The following ZMYM2 variants were observed in gnomAD, a reference collection of about 807,000 sequenced individuals.
ZMYM2 encodes zinc finger MYM-type protein 2.
Under a neutral mutation model 162.8 loss-of-function variants are expected in ZMYM2, and 56 were observed. The observed-to-expected ratio is 0.34, with a 90% CI of 0.28 to 0.43. The LOEUF (loss-of-function observed/expected upper bound fraction) is 0.43, where lower values mean the gene tolerates loss of function less well. Among genes scored for constraint, ZMYM2 ranks in the 20% least tolerant of loss-of-function variants. ZMYM2 has a pLI of 1.00. For synonymous variants in ZMYM2, 510 were observed against 541.6 expected (o/e 0.94, Z 0.81); for missense variants, 1,275 against 1,621.8 (o/e 0.79, Z 3.67).
chr13:20,058,896 T>A (rs781319057), intron 15 of ZMYM2, 192 bp downstream of exon 15: 1 of 794,040 alleles, frequency 1.3e-6, no homozygotes, highest in South Asian at 1.4e-5. Context: ...TTATGATCAA[T>A]CTCTGATAAA....
chr13:19,921,612 A>G, the ZMYM2 span, among the ~76,000 whole-genome samples: 1 of 152,138 alleles, frequency 6.6e-6, no homozygotes, highest in Non-Finnish European at 1.5e-5. Context: ...AAAAATATGT[A>G]TACACTTATT....
chr13:20,006,187 G>C (rs1950727858), intron 5 of ZMYM2, among the ~76,000 whole-genome samples, 187 bp from the exon 6 acceptor site: 1 of 151,420 alleles, frequency 6.6e-6, no homozygotes, highest in African/African-American at 2.4e-5. Context: ...CAGCTTTGAT[G>C]GTGCCACTGT....
chr13:19,944,178 C>T, the ZMYM2 span, among the ~76,000 whole-genome samples: 4 of 152,098 alleles, frequency 2.6e-5, no homozygotes, highest in African/African-American at 9.7e-5. Context: ...ACAATTGCCA[C>T]AGAGACAGTT....
rs748541918 is a variant in ZMYM2, at chr13:20,083,806, A to T, written c.3941+30A>T. The T allele has an allele frequency of 5.0e-6, 8 of 1,585,562 alleles. No individual in the cohort carries two copies. The Admixed American group carries it at 1.5e-4, about 29-fold the overall frequency. On this transcript the variant is annotated intron_variant, in intron 24 of 24. Coordinates refer to ENST00000610343, the MANE Select transcript of ZMYM2 (RefSeq NM_197968.4). ...GTGTTAATGATACTTAACTTTTAAA[A>T]ATGTTGGTAGAAGTTGGCTGGTTTA... is the stretch of plus-strand genomic sequence containing the variant.
chr13:20,025,130 A>G (rs1268096311), intron 7 of ZMYM2: 1 of 208,932 alleles, frequency 4.8e-6, no homozygotes, highest in Non-Finnish European at 9.7e-6. Flanking sequence ...TATTCATTTC[A>G]GTTGTTATTT....
At chr13:20,068,911 A>C (rs1217575645) in intron 21 of ZMYM2, among the ~76,000 whole-genome samples, 10 of 152,216 alleles carry the variant, frequency 6.6e-5, no homozygotes, top group Non-Finnish European at 1.2e-4. Flanking sequence ...ATGGAATTTC[A>C]TTTAGAAATT....
chr13:20,026,572 T>A, intron 7 of ZMYM2, 40 bp from the exon 8 acceptor site: 1 of 1,547,846 alleles, frequency 6.5e-7, no homozygotes, highest in South Asian at 1.2e-5. Flanking sequence ...CTAGTTAAGT[T>A]GTAGTCTTAA....
intron 20 of ZMYM2, 41 bp from the exon 21 acceptor site, chr13:20,067,198 G>A (rs775325338): frequency 7.4e-6 from 11 of 1,485,382 alleles, no homozygotes; most frequent in South Asian, 4.0e-5. Flanking sequence ...TTAATAAGAC[G>A]CTAAATAATA....
At chr13:19,926,735 C>A in the ZMYM2 span, among the ~76,000 whole-genome samples, 8 of 151,922 alleles carry the variant, frequency 5.3e-5, no homozygotes, top group African/African-American at 1.9e-4. Flanking sequence ...TGGCGCAATC[C>A]CTGCTCACTG....
At chr13:19,918,503 T>G in the ZMYM2 span, among the ~76,000 whole-genome samples, 1 of 144,570 alleles carries the variant, frequency 6.9e-6, no homozygotes, top group African/African-American at 2.5e-5. Context: ...TTCTTTTTTT[T>G]TTTTTTTTTT....
chr13:20,030,206 T>G (rs1952963604), intron 9 of ZMYM2, among the ~76,000 whole-genome samples: 1 of 151,802 alleles, frequency 6.6e-6, no homozygotes, highest in African/African-American at 2.4e-5. Flanking sequence ...AATTTTTAAA[T>G]GTAACATAGG....
At chr13:19,877,229 CA>C in the ZMYM2 span, among the ~76,000 whole-genome samples, 1 of 117,146 alleles carries the variant, frequency 8.5e-6, no homozygotes, top group African/African-American at 3.1e-5. Flanking sequence ...AAAAAAAAAA[CA>C]AAGAAGTTTA....
At chr13:19,956,879 G>A (rs1239845443), upstream of ZMYM2, among the ~76,000 whole-genome samples, 2 of 152,202 alleles carry the variant, frequency 1.3e-5, no homozygotes, top group East Asian at 3.8e-4. Flanking sequence ...GGTAGTAGAG[G>A]ATGTTTGTTT....
At chr13:20,006,845 G>A (rs1056562756) in intron 6 of ZMYM2, among the ~76,000 whole-genome samples, 8 of 152,022 alleles carry the variant, frequency 5.3e-5, no homozygotes, top group African/African-American at 1.9e-4. Context: ...GTTAAGTCTG[G>A]GTAAACCCGT....
At chr13:19,924,892 T>G in the ZMYM2 span, among the ~76,000 whole-genome samples, 105 of 151,778 alleles carry the variant, frequency 6.9e-4, 1 homozygote, top group Non-Finnish European at 1.1e-3. Flanking sequence ...TTTTTTTTTT[T>G]TTTGTTTTGA....
the ZMYM2 span, among the ~76,000 whole-genome samples, chr13:19,911,602 G>A: frequency 6.6e-6 from 1 of 152,174 alleles, no homozygotes; most frequent in African/African-American, 2.4e-5. Context: ...AGACCCAAAA[G>A]GTCACTGTGG....
At chr13:19,954,082 T>C (rs989367588), upstream of ZMYM2, among the ~76,000 whole-genome samples, 6 of 146,238 alleles carry the variant, frequency 4.1e-5, no homozygotes, top group African/African-American at 1.5e-4. Context: ...AAAAAAAAGT[T>C]TATAAGCCAC....
the ZMYM2 span, among the ~76,000 whole-genome samples, chr13:19,871,581 C>T: frequency 3.3e-5 from 5 of 152,014 alleles, no homozygotes; most frequent in African/African-American, 9.7e-5. Flanking sequence ...AAACTGCATG[C>T]ACCTTACATA....
intron 21 of ZMYM2, among the ~76,000 whole-genome samples, chr13:20,079,786 T>C (rs1219866477): frequency 6.6e-6 from 1 of 152,234 alleles, no homozygotes; most frequent in Non-Finnish European, 1.5e-5. Flanking sequence ...GTTGGGAACT[T>C]AGTTTTTGGT....
Sources: gnomAD v4.1 joint callset for allele counts (sites outside exome capture counted in the v4.1 genomes callset) on GRCh38, gnomAD v4.1.1 for gene constraint, MANE v1.5 for transcripts, NCBI Gene and HGNC (gene_info 2026-07-23, HGNC 2026-07-21) for gene names.